SLC9A9: variants seen among roughly 807,000 people sequenced by gnomAD.
The protein encoded by SLC9A9 is sodium/hydrogen exchanger 9.
SLC9A9 carries 62 observed loss-of-function variants against 77.8 expected under a neutral mutation model. The observed-to-expected ratio is 0.80, with a 90% CI of 0.65 to 0.98. The LOEUF (loss-of-function observed/expected upper bound fraction) is 0.98. Among genes scored for constraint, SLC9A9 ranks in the 50% least tolerant of loss-of-function variants. The probability of loss-of-function intolerance (pLI) is 0.00; values close to 1 mark genes in which losing one functional copy is unlikely to be tolerated. For synonymous variants in SLC9A9, 320 were observed against 283.5 expected, an observed-to-expected ratio of 1.13 and a Z score of -1.29; for missense variants, 775 against 774.9, an observed-to-expected ratio of 1.00 and a Z score of 0.00.
chr3:143,287,402 A>G (rs1938413294), intron 14 of SLC9A9, among the ~76,000 whole-genome samples: 1 of 152,152 alleles, frequency 6.6e-6, no homozygotes, highest in African/African-American at 2.4e-5. Context: ...AAGGGAAAAA[A>G]AAACAACAAC....
chr3:143,766,084 C>A (rs566310150), intron 4 of SLC9A9, among the ~76,000 whole-genome samples: 1 of 152,116 alleles, frequency 6.6e-6, no homozygotes, highest in Non-Finnish European at 1.5e-5. Flanking sequence ...CCCTGACCTG[C>A]GGACTCTTGA....
intron 14 of SLC9A9, among the ~76,000 whole-genome samples, chr3:143,294,114 A>G (rs2030140940): frequency 6.6e-6 from 1 of 152,220 alleles, no homozygotes; most frequent in Non-Finnish European, 1.5e-5. Flanking sequence ...AAATCAATGG[A>G]CTATTATTTA....
At chr3:143,268,528 T>C (rs1937797006) in intron 15 of SLC9A9, among the ~76,000 whole-genome samples, 2 of 151,872 alleles carry the variant, frequency 1.3e-5, no homozygotes, top group South Asian at 4.2e-4. Context: ...GGTCAGGAGA[T>C]TGAGACCATC....
intron 6 of SLC9A9, among the ~76,000 whole-genome samples, chr3:143,651,043 G>A (rs1208051052): frequency 1.3e-5 from 2 of 152,106 alleles, no homozygotes; most frequent in Non-Finnish European, 2.9e-5. Context: ...TTTCCAACTT[G>A]GCAGCTCAGG....
intron 8 of SLC9A9, among the ~76,000 whole-genome samples, chr3:143,565,271 C>A (rs187969535): frequency 1.8e-4 from 27 of 152,232 alleles, no homozygotes; most frequent in Admixed American, 7.2e-4. Flanking sequence ...ATAAAAAACC[C>A]GGGAATTATC....
intron 7 of SLC9A9, among the ~76,000 whole-genome samples, chr3:143,576,572 A>T (rs563261938): frequency 7.2e-5 from 11 of 152,254 alleles, no homozygotes; most frequent in African/African-American, 2.6e-4. Flanking sequence ...CTCACTCTAA[A>T]CAACACCTGG....
At chr3:143,792,721 G>T (rs2008260410) in intron 4 of SLC9A9, among the ~76,000 whole-genome samples, 1 of 151,902 alleles carries the variant, frequency 6.6e-6, no homozygotes, top group South Asian at 2.1e-4. Context: ...ACTTGCCCTG[G>T]GTGATGCCAT....
intron 6 of SLC9A9, among the ~76,000 whole-genome samples, chr3:143,581,558 C>G (rs1277266300): frequency 3.3e-5 from 5 of 151,400 alleles, no homozygotes; most frequent in Non-Finnish European, 7.4e-5. Context: ...CTTTCTCTTT[C>G]TTTCTTTGCA....
intron 12 of SLC9A9, among the ~76,000 whole-genome samples, chr3:143,425,732 G>A (rs137914218): frequency 7.2e-5 from 11 of 152,218 alleles, no homozygotes; most frequent in African/African-American, 1.7e-4. Context: ...AGTTAGCTTC[G>A]GTTGACATGA....
chr3:143,495,224 C>T, intron 10 of SLC9A9, 111 bp downstream of exon 10: 1 of 888,584 alleles, frequency 1.1e-6, no homozygotes, highest in Admixed American at 2.0e-5. Flanking sequence ...TGTGTCTGAG[C>T]CTTGCAGTGG....
intron 8 of SLC9A9, among the ~76,000 whole-genome samples, chr3:143,562,394 C>T (rs755249069): frequency 3.3e-5 from 5 of 152,020 alleles, no homozygotes; most frequent in South Asian, 2.1e-4. Flanking sequence ...TCAGTAAGAG[C>T]AAAGGGAGAG....
At chr3:143,783,273 C>G (rs1448095631) in intron 4 of SLC9A9, among the ~76,000 whole-genome samples, 1 of 152,102 alleles carries the variant, frequency 6.6e-6, no homozygotes, top group Non-Finnish European at 1.5e-5. Context: ...TCTCCTACTC[C>G]CTCCTACCCA....
chr3:143,725,070 T>C (rs530031595), intron 4 of SLC9A9, among the ~76,000 whole-genome samples: 51 of 152,240 alleles, frequency 3.3e-4, no homozygotes, highest in East Asian at 1.3e-3. Flanking sequence ...CAGACTTGAG[T>C]ATATCACTAT....
At chr3:143,327,951 C>T (rs1379642975) in intron 14 of SLC9A9, among the ~76,000 whole-genome samples, 1 of 152,156 alleles carries the variant, frequency 6.6e-6, no homozygotes. Flanking sequence ...CTTAGATTTT[C>T]TAAATAGCTT....
At chr3:143,668,423 A>G (rs998067815) in intron 5 of SLC9A9, among the ~76,000 whole-genome samples, 3 of 152,126 alleles carry the variant, frequency 2.0e-5, no homozygotes, top group Admixed American at 6.5e-5. Context: ...TGGCGCATGT[A>G]TACATATTTA....
At chr3:143,812,002 G>T (rs1280654284) in intron 2 of SLC9A9, among the ~76,000 whole-genome samples, 2 of 152,160 alleles carry the variant, frequency 1.3e-5, no homozygotes, top group African/African-American at 4.8e-5. Context: ...AGACAACGTT[G>T]GGTTCCTAAG....
At chr3:143,295,119 TTAAAA>T (rs1224535254) in intron 14 of SLC9A9, among the ~76,000 whole-genome samples, 5 of 152,228 alleles carry the variant, frequency 3.3e-5, no homozygotes, top group African/African-American at 9.6e-5. Context: ...TGACAAAAAG[TTAAAA>T]TAAACAGGAG....
chr3:143,678,812 T>C (rs1932975170), intron 5 of SLC9A9, among the ~76,000 whole-genome samples: 1 of 152,234 alleles, frequency 6.6e-6, no homozygotes, highest in African/African-American at 2.4e-5. Context: ...TTACCTTAAA[T>C]TTTTGTATGA....
chr3:143,530,536 T>G (rs1193915886), intron 9 of SLC9A9, among the ~76,000 whole-genome samples: 1 of 152,154 alleles, frequency 6.6e-6, no homozygotes, highest in Non-Finnish European at 1.5e-5. Context: ...GTTGGGTATG[T>G]CTTTATCAGC....
Sources: gnomAD v4.1 joint callset for allele counts (sites outside exome capture counted in the v4.1 genomes callset) on GRCh38, gnomAD v4.1.1 for gene constraint, MANE v1.5 for transcripts, NCBI Gene and HGNC (gene_info 2026-07-23, HGNC 2026-07-21) for gene names.